The following GCC2 variants were observed in gnomAD, a reference collection of about 807,000 sequenced individuals.
GCC2 encodes GRIP and coiled-coil domain-containing protein 2.
In GCC2, 120 loss-of-function variants were observed where a neutral mutation model predicts 210.6. The ratio of observed to expected loss-of-function variants is 0.57; its 90% CI spans 0.49 to 0.66. The LOEUF (loss-of-function observed/expected upper bound fraction) is 0.66. Ranked by LOEUF, GCC2 falls within the 30% of genes least tolerant of loss-of-function variation. GCC2 has a pLI of 0.00. For synonymous variants in GCC2, 703 were observed against 652.7 expected (o/e 1.08, Z -1.17); for missense variants, 1,868 against 1,871.9 (o/e 1.00, Z 0.04).
At chr2:108,495,111 T>C (rs1419932775) in intron 19 of GCC2, 180 bp from the exon 20 acceptor site, 2 of 423,920 alleles carry the variant, frequency 4.7e-6, no homozygotes, top group Non-Finnish European at 8.6e-6. Context: ...ACGCCCAGCT[T>C]TGATGACTAA....
intron 4 of GCC2, among the ~76,000 whole-genome samples, chr2:108,460,374 T>C (rs1475143046): frequency 6.6e-6 from 1 of 152,098 alleles, no homozygotes; most frequent in African/African-American, 2.4e-5. Flanking sequence ...ATTAATTATA[T>C]GTGAGCCTTT....
Position 108,492,912 on chromosome 2 carries a change from A to C in GCC2, c.4447+122A>C. 3 of 733,450 alleles carry C rather than the reference A, an allele frequency of 4.1e-6. No individual in the cohort carries two copies. The South Asian group carries it at 5.2e-5, about 13-fold the overall frequency. The allele number at this position is 733,450 out of a possible 1,614,324, so 45.4% of individuals were successfully genotyped here. A position where few individuals can be genotyped will look rare whatever the true frequency, so the allele number is the denominator to read the frequency against. On this transcript the variant is annotated intron_variant, in intron 19 of 22. Transcript: ENST00000309863. ...AGGTGTCACCAGTGTCAAATCTGTG[A>C]TTAATGAATTTTGGATTTGCTTACT... is the stretch of plus-strand genomic sequence containing the variant.
intron 11 of GCC2, 109 bp downstream of exon 11, chr2:108,482,560 G>C (rs1439713774): frequency 3.5e-6 from 2 of 577,884 alleles, no homozygotes; most frequent in Admixed American, 3.3e-5. Context: ...ATACAGCAGA[G>C]TTCATTAATT....
At chr2:108,455,540 T>C (rs1258228545) in intron 4 of GCC2, among the ~76,000 whole-genome samples, 101 of 152,218 alleles carry the variant, frequency 6.6e-4, no homozygotes, top group Non-Finnish European at 5.9e-5. Context: ...TACGTATTCA[T>C]GGGGTACATG....
chr2:108,450,743 G>A (rs754073722), intron 2 of GCC2, among the ~76,000 whole-genome samples: 8 of 152,170 alleles, frequency 5.3e-5, no homozygotes, highest in Non-Finnish European at 1.0e-4. Flanking sequence ...TTAGCCGGAC[G>A]TGGTAGCGGG....
At position 108,509,379 on chromosome 2, in the gene GCC2, A is replaced by G. The variant is rs1683375686; in HGVS notation, c.*1749A>G. 1 of 152,228 alleles carries G rather than the reference A, an allele frequency of 6.6e-6. No individual in the cohort carries two copies. The highest frequency in any genetic ancestry group is 1.5e-5 in the Non-Finnish European group (1 of 68,036). The allele number at this position is 152,228 out of a possible 1,614,324, so 9.4% of individuals were successfully genotyped here. ...GTGTAATGATTATTTTAATATTTCT[A>G]TTAAATATGTTTAACTGTATATTTT... On this transcript the variant is annotated 3_prime_UTR_variant, in exon 23 of 23. Coordinates refer to ENST00000309863, the MANE Select transcript of GCC2 (RefSeq NM_181453.4).
chr2:108,450,195 T>C (rs1378839429), intron 2 of GCC2, among the ~76,000 whole-genome samples: 4 of 152,254 alleles, frequency 2.6e-5, no homozygotes, highest in Non-Finnish European at 1.5e-5. Context: ...AGCTTCATGA[T>C]AACCATGAGA....
Position 108,508,857 on chromosome 2 carries a change from GCT to G in GCC2, c.*1232_*1233del, listed in dbSNP as rs1167385436. On this transcript the variant is annotated 3_prime_UTR_variant, in exon 23 of 23. Transcript: ENST00000309863. ...TATTTATGTGTTAATCACACAGTATGCTCTCTGAAGTTCTCTTAAGCCTTCAG... is the reference window on the plus strand; with the variant it reads ...TATTTATGTGTTAATCACACAGTATGCTCTGAAGTTCTCTTAAGCCTTCAG... 2.0e-5 allele frequency: 3 copies of G among 152,618 alleles called. No individual in the cohort carries two copies. Among genetic ancestry groups the G allele is most frequent in the African/African-American group, 7.2e-5 (3 of 41,454 alleles). The allele number at this position is 152,618 out of a possible 1,614,324, so 9.5% of individuals were successfully genotyped here.
In GCC2 at chr2:108,472,869, T is replaced by C. The variant is rs1681312073; in HGVS notation, c.2830T>C (p.Ser944Pro). ...KSPSVKNDPL[S>P]SVKELEEKIE... ...ACCTTCTGTAAAAAATGATCCTCTG[T>C]CTTCAGTAAAAGAGTTGGAAGAAAA... is the stretch of plus-strand genomic sequence containing the variant. The change falls in exon 7 of 23, where the codon TCT (serine) becomes CCT (proline). Residue 944 changes from serine to proline, a missense_variant. Coordinates refer to ENST00000309863, the MANE Select transcript of GCC2 (RefSeq NM_181453.4). 1 of 1,595,400 alleles carries C rather than the reference T, an allele frequency of 6.3e-7. No homozygotes were observed. The highest frequency in any genetic ancestry group is 8.6e-7 in the Non-Finnish European group (1 of 1,167,470).
rs1467952366 is a variant in GCC2 at position 108,470,925 on chromosome 2, C to G, written c.1596C>G (p.Ala532=). ...GAACTGCTTTTACTGAAAAAGATGCCCTTCTCGAAACTGTGAATCGCCTCC... is the reference window on the plus strand; with the variant it reads ...GAACTGCTTTTACTGAAAAAGATGCGCTTCTCGAAACTGTGAATCGCCTCC... ...KLRTAFTEKD[A]LLETVNRLQG... is the part of the protein sequence containing the mutation. The change falls in exon 6 of 23, where the codon GCC becomes GCG. Residue 532 remains alanine (A), a synonymous_variant. Coordinates refer to ENST00000309863, the MANE Select transcript of GCC2 (RefSeq NM_181453.4). The G allele has an allele frequency of 6.2e-7, 1 of 1,613,286 alleles. No individual in the cohort carries two copies. The highest frequency in any genetic ancestry group is 1.7e-5 in the Admixed American group (1 of 59,982).
chr2:108,457,503 CT>C (rs1680333780), intron 4 of GCC2, among the ~76,000 whole-genome samples: 1 of 151,636 alleles, frequency 6.6e-6, no homozygotes, highest in Admixed American at 6.6e-5. Context: ...CATTAGGATT[CT>C]TTTTTCTGTT....
intron 6 of GCC2, among the ~76,000 whole-genome samples, chr2:108,472,557 T>C (rs1049103272): frequency 6.6e-6 from 1 of 152,036 alleles, no homozygotes; most frequent in Non-Finnish European, 1.5e-5. Flanking sequence ...CTTCTCCTTA[T>C]TACACATGTA....
rs1573229826 is a variant in GCC2, at chr2:108,495,306, A to C, written c.4463A>C (p.Gln1488Pro). ...AATCTAATAGGCCCAGTTTCCTCTC[A>C]ACAATCTTTGAAGAACCTTCGAGAA... ...EPTTRSPVSS[Q>P]QSLKNLRERR... is the part of the protein sequence containing the mutation. The change falls in exon 20 of 23, where the codon CAA becomes CCA. Residue 1488 changes from glutamine (Q) to proline (P), a missense_variant. Physicochemically the swap from Gln to Pro is moderately conservative, Grantham distance 76 (BLOSUM62 -1). Around this residue, in one of 3 missense-constraint regions of GCC2, gnomAD observed 1,847 missense variants for 1,765.2 expected, o/e 1.05. Transcript: ENST00000309863. 6 of 1,578,380 alleles carry C rather than the reference A, an allele frequency of 3.8e-6. No homozygotes were observed. The highest frequency in any genetic ancestry group is 4.3e-6 in the Non-Finnish European group (5 of 1,170,098).
Position 108,507,604 on chromosome 2 carries a change from C to T in GCC2, c.5029C>T (p.Leu1677Phe). Reference sequence around the variant, plus strand: ...CCGTTCTTCTGGATGGGCATCCTATCTTCATAGTTGGTCTGGACTTCGATA... The same window carrying T: ...CCGTTCTTCTGGATGGGCATCCTATTTTCATAGTTGGTCTGGACTTCGATA... The part of the protein sequence containing the change: ...ASRSSGWASY[L>F]HSWSGLR The change falls in exon 23 of 23, where the codon CTT becomes TTT. Residue 1677 changes from leucine (L) to phenylalanine (F), a missense_variant. By Grantham distance (22) the Leu-to-Phe change is conservative (BLOSUM62 0). Transcript: ENST00000309863. The T allele has an allele frequency of 6.2e-7, 1 of 1,600,278 alleles. No homozygotes were observed. The highest frequency in any genetic ancestry group is 8.5e-7 in the Non-Finnish European group (1 of 1,170,540).
rs76734850 is a variant in GCC2 at position 108,475,657 on chromosome 2, A to G, written c.2961+22A>G. 5,023 of 1,468,312 alleles carry G rather than the reference A, an allele frequency of 3.4e-3. 57 individuals are homozygous for G. Among genetic ancestry groups the G allele is most frequent in the African/African-American group, 0.028 (1,985 of 70,242 alleles). The allele number at this position is 1,468,312 out of a possible 1,614,324, so 91.0% of individuals were successfully genotyped here. A position where few individuals can be genotyped will look rare whatever the true frequency, so the allele number is the denominator to read the frequency against. On this transcript the variant is annotated intron_variant, in intron 8 of 22. Transcript: ENST00000309863. Reference sequence around the variant, plus strand: ...AGAGGTGAGCTGACTTTAAAAATGTAAGATTCCGGAATCTCACATTTTTAA... The same window carrying G: ...AGAGGTGAGCTGACTTTAAAAATGTGAGATTCCGGAATCTCACATTTTTAA...
chr2:108,469,595 C>T, intron 5 of GCC2, 56 bp from the exon 6 acceptor site: 2 of 1,272,880 alleles, frequency 1.6e-6, no homozygotes, highest in Non-Finnish European at 2.2e-6. Flanking sequence ...TTCCTAAGGT[C>T]AGAGGCTCCT....
intron 22 of GCC2, among the ~76,000 whole-genome samples, chr2:108,507,308 C>T (rs1683239441): frequency 6.6e-6 from 1 of 151,230 alleles, no homozygotes; most frequent in African/African-American, 2.4e-5. Flanking sequence ...GTGGGAGAAT[C>T]ACTTGAGCCT....
At chr2:108,465,275 GGTAA>G (rs768574457) in intron 4 of GCC2, among the ~76,000 whole-genome samples, 3 of 152,210 alleles carry the variant, frequency 2.0e-5, no homozygotes, top group South Asian at 2.1e-4. Flanking sequence ...TAGTGGAGGA[GGTAA>G]GTAAGAGATG....
At position 108,457,745 on chromosome 2, in the gene GCC2, T is replaced by C. The variant is rs116221185; in HGVS notation, c.216+5279T>C. 3.0e-3 allele frequency among the ~76,000 whole-genome samples: 450 copies of C among 152,356 alleles called. 2 individuals are homozygous for C. The highest frequency in any genetic ancestry group is 0.01 in the African/African-American group (427 of 41,578). ...AAGGTGTTGCCTTCTTGATTTCCTT[T>C]TTTAGCTATTTTATTGTTGGTATAT... On this transcript the variant is annotated intron_variant, in intron 4 of 22. Coordinates refer to ENST00000309863, the MANE Select transcript of GCC2 (RefSeq NM_181453.4).
Sources: gnomAD v4.1 joint callset for allele counts (sites outside exome capture counted in the v4.1 genomes callset) on GRCh38, gnomAD v4.1.1 for gene constraint, gnomAD v4.1.1 regional missense constraint, MANE v1.5 for transcripts, NCBI Gene and HGNC (gene_info 2026-07-23, HGNC 2026-07-21) for gene names.